The following SPINK5 variants were observed in gnomAD, a reference collection of about 807,000 sequenced individuals.
SPINK5 encodes serine peptidase inhibitor Kazal type 5.
A neutral mutation model predicts 151.8 loss-of-function variants in SPINK5; 125 were observed. The ratio of observed to expected loss-of-function variants is 0.82; its 90% CI spans 0.71 to 0.96. The LOEUF is 0.96. SPINK5 is among the 40% of genes least tolerant of loss of function. SPINK5 has a pLI of 0.00. For missense variants in SPINK5, 1,194 were observed against 1,291.9 expected (o/e 0.92, Z 1.16); for synonymous variants, 374 against 395.3 (o/e 0.95, Z 0.64).
chr5:148,064,148 C>G, intron 1 of SPINK5, 49 bp downstream of exon 1: 1 of 1,610,176 alleles, frequency 6.2e-7, no homozygotes, highest in Non-Finnish European at 8.5e-7. Flanking sequence ...ATCTCAAAGC[C>G]CTGGGGAAGG....
intron 26 of SPINK5, among the ~76,000 whole-genome samples, chr5:148,122,957 G>A (rs1016031847): frequency 7.3e-4 from 105 of 144,780 alleles, no homozygotes; most frequent in African/African-American, 2.7e-3. Context: ...GTGTCGTTTA[G>A]TTCATTCCAG....
intron 4 of SPINK5, among the ~76,000 whole-genome samples, chr5:148,074,741 A>G (rs1265411392): frequency 2.0e-5 from 3 of 151,902 alleles, no homozygotes; most frequent in South Asian, 2.1e-4. Context: ...GGTAAAATTG[A>G]CTTTTTACAG....
chr5:148,113,641 A>G (rs1754003241), intron 20 of SPINK5, among the ~76,000 whole-genome samples: 1 of 152,212 alleles, frequency 6.6e-6, no homozygotes, highest in African/African-American at 2.4e-5. Context: ...TGCCCCCATC[A>G]AAGACTATTG....
intron 31 of SPINK5, among the ~76,000 whole-genome samples, chr5:148,132,717 T>A (rs1233393520): frequency 1.3e-5 from 2 of 152,096 alleles, no homozygotes; most frequent in Admixed American, 6.5e-5. Context: ...AGACAGTAGT[T>A]CCTTAAATTG....
intron 3 of SPINK5, 89 bp from the exon 4 acceptor site, chr5:148,072,059 C>A: frequency 3.3e-6 from 4 of 1,213,518 alleles, no homozygotes; most frequent in Non-Finnish European, 4.8e-6. Flanking sequence ...CTGAGGAGAG[C>A]AGTTAAAATT....
At chr5:148,115,511 C>T (rs1754062432) in intron 21 of SPINK5, among the ~76,000 whole-genome samples, 1 of 152,060 alleles carries the variant, frequency 6.6e-6, no homozygotes, top group Non-Finnish European at 1.5e-5. Context: ...CAATAAATAA[C>T]CCAGGAAGAG....
At chr5:148,130,685 T>C (rs376978347) in intron 30 of SPINK5, among the ~76,000 whole-genome samples, 5 of 152,314 alleles carry the variant, frequency 3.3e-5, no homozygotes, top group South Asian at 2.1e-4. Flanking sequence ...ATGTGACAGA[T>C]ACTGCGTTAA....
chr5:148,111,175 T>C (rs1231825384), intron 18 of SPINK5, among the ~76,000 whole-genome samples: 1 of 151,620 alleles, frequency 6.6e-6, no homozygotes, highest in Non-Finnish European at 1.5e-5. Context: ...TGTTCCTTGG[T>C]TCTTGGACCC....
intron 18 of SPINK5, among the ~76,000 whole-genome samples, chr5:148,109,569 T>C (rs1434816132): frequency 1.3e-5 from 2 of 151,450 alleles, no homozygotes; most frequent in Admixed American, 1.3e-4. Context: ...ATGTAGTTAG[T>C]AACTTGAGAA....
Position 148,131,197 on chromosome 5 carries a change from T to C in SPINK5, c.2965-62T>C, listed in dbSNP as rs768685385. 7.5e-6 allele frequency: 12 copies of C among 1,604,144 alleles called. 1 individual carries two copies. Among genetic ancestry groups the C allele is most frequent in the East Asian group, 6.7e-5 (3 of 44,802 alleles). ...GGATTAAGGAACTCAAGAGGTTTTC[T>C]TAAGCCCACCCCTCTTCTTGAATGC... On this transcript the variant is annotated intron_variant, in intron 30 of 32. Coordinates refer to ENST00000256084, the MANE Select transcript of SPINK5 (RefSeq NM_006846.4).
Position 148,090,851 on chromosome 5 carries a change from C to T in SPINK5, c.603-314C>T, listed in dbSNP as rs1370536610. 3.2e-5 allele frequency: 10 copies of T among 316,670 alleles called. No homozygotes were observed. In the East Asian group the frequency reaches 6.2e-4, roughly 20 times the overall value. The allele number at this position is 316,670 out of a possible 1,614,324, so 19.6% of individuals were successfully genotyped here. A position where few individuals can be genotyped will look rare whatever the true frequency, so the allele number is the denominator to read the frequency against. Reference sequence around the variant, plus strand: ...CTTCTGTTTGTCAATCAAGGTGTCACACCCATTCAGTTTTACAGAACAAAG... The same window carrying T: ...CTTCTGTTTGTCAATCAAGGTGTCATACCCATTCAGTTTTACAGAACAAAG... On this transcript the variant is annotated intron_variant, in intron 7 of 32. Transcript: ENST00000256084.
At chr5:148,072,329 A>C in intron 4 of SPINK5, 109 bp downstream of exon 4, 1 of 1,155,976 alleles carries the variant, frequency 8.7e-7, no homozygotes, top group South Asian at 1.3e-5. Flanking sequence ...TGAAGCCAAC[A>C]ACTTAGGAGG....
intron 27 of SPINK5, among the ~76,000 whole-genome samples, chr5:148,124,515 CAT>C (rs1754377766): frequency 6.6e-6 from 1 of 152,070 alleles, no homozygotes; most frequent in Non-Finnish European, 1.5e-5. Context: ...CTTTTAGGAT[CAT>C]ATTTTTCTGG....
chr5:148,135,974 A>G (rs1387353899), intron 32 of SPINK5, among the ~76,000 whole-genome samples: 2 of 152,136 alleles, frequency 1.3e-5, no homozygotes, highest in African/African-American at 2.4e-5. Flanking sequence ...TACTCTTACA[A>G]TAGTCATTTG....
At chr5:148,124,738 C>A in intron 27 of SPINK5, 27 bp from the exon 28 acceptor site, 3 of 1,458,584 alleles carry the variant, frequency 2.1e-6, no homozygotes, top group South Asian at 1.3e-5. Flanking sequence ...AAAAATTACC[C>A]TATCTTTTTT....
In SPINK5 at chr5:148,101,368, GAAGAA is replaced by G. The variant is rs2113120242; in HGVS notation, c.1242_1246del (p.Lys415GlufsTer4). 2 of 1,609,840 alleles carry G rather than the reference GAAGAA, an allele frequency of 1.2e-6. No individual in the cohort carries two copies. The highest frequency in any genetic ancestry group is 1.7e-6 in the Non-Finnish European group (2 of 1,176,580). ...ATCCTTTTTTAGCCAAGCAGAAGAA[GAAGAA>G]AAGAAAAAGAAGGAAGGTAAATCAA... is the stretch of plus-strand genomic sequence containing the variant. On this transcript the variant is annotated frameshift_variant, in exon 14 of 33. Coordinates refer to ENST00000256084, the MANE Select transcript of SPINK5 (RefSeq NM_006846.4). LOFTEE classifies it high-confidence loss of function.
intron 24 of SPINK5, 140 bp downstream of exon 24, chr5:148,119,198 C>G: frequency 1.3e-6 from 1 of 775,926 alleles, no homozygotes; most frequent in Non-Finnish European, 2.2e-6. Context: ...TTATCAGTGA[C>G]TCTCACTGAT....
At chr5:148,098,449 A>G in intron 11 of SPINK5, among the ~76,000 whole-genome samples, 1 of 151,578 alleles carries the variant, frequency 6.6e-6, no homozygotes, top group East Asian at 2.0e-4. Flanking sequence ...TCAATAAGTT[A>G]GAATGGACAG....
intron 7 of SPINK5, 59 bp from the exon 8 acceptor site, chr5:148,091,106 G>A: frequency 7.1e-7 from 1 of 1,405,072 alleles, no homozygotes; most frequent in Non-Finnish European, 1.0e-6. Context: ...GCACAGGACT[G>A]AGGATACTGA....
Sources: gnomAD v4.1 joint callset for allele counts (sites outside exome capture counted in the v4.1 genomes callset) on GRCh38, gnomAD v4.1.1 for gene constraint, MANE v1.5 for transcripts, NCBI Gene and HGNC (gene_info 2026-07-23, HGNC 2026-07-21) for gene names.